Variants in ANKRD30B observed in about 807,000 individuals in gnomAD.
ANKRD30B encodes ankyrin repeat domain 30B.
ANKRD30B carries 144 observed loss-of-function variants against 202.2 expected under a neutral mutation model. That is an observed-to-expected ratio of 0.71 (90% CI 0.62 to 0.82). The LOEUF is 0.82. Among genes scored for constraint, ANKRD30B ranks in the 40% least tolerant of loss-of-function variants. The pLI is 0.00. For missense variants in ANKRD30B, 1,487 were observed against 1,669.1 expected (o/e 0.89, Z 1.90); for synonymous variants, 508 against 561.3 (o/e 0.91, Z 1.34).
Position 14,752,571 on chromosome 18 carries a change from C to T in ANKRD30B, c.227C>T (p.Ala76Val). The T allele has an allele frequency of 6.2e-7, 1 of 1,611,716 alleles. No individual in the cohort carries two copies. The highest frequency in any genetic ancestry group is 8.5e-7 in the Non-Finnish European group (1 of 1,178,760). ...LNKRDMKKRTALHWACVNGHA... is the reference protein window; with the variant it reads ...LNKRDMKKRTVLHWACVNGHA... Reference sequence around the variant, plus strand: ...AAGTCCTCTCACTCTCGTAGGACTGCTCTACACTGGGCCTGTGTCAATGGC... The same window carrying T: ...AAGTCCTCTCACTCTCGTAGGACTGTTCTACACTGGGCCTGTGTCAATGGC... Residue 76 changes from alanine to valine, a missense_variant, in exon 2 of 44, where the codon GCT (alanine) becomes GTT (valine). By Grantham distance (64) the Ala-to-Val change is moderately conservative. Coordinates refer to ENST00000690538, the MANE Select transcript of ANKRD30B (RefSeq NM_001367607.2).
At chr18:14,872,519 G>T in the ANKRD30B span, among the ~76,000 whole-genome samples, 2 of 152,090 alleles carry the variant, frequency 1.3e-5, no homozygotes, top group Non-Finnish European at 2.9e-5. Context: ...ATGCACTGCT[G>T]CCATTGGTTA....
At chr18:14,847,666 G>T (rs1038417298) in intron 39 of ANKRD30B, among the ~76,000 whole-genome samples, 1 of 151,000 alleles carries the variant, frequency 6.6e-6, no homozygotes, top group East Asian at 1.9e-4. Context: ...GAATAGAGTT[G>T]AGTTACTTAT....
the ANKRD30B span, among the ~76,000 whole-genome samples, chr18:14,880,490 A>T: frequency 6.6e-6 from 1 of 150,508 alleles, no homozygotes; most frequent in African/African-American, 2.4e-5. Flanking sequence ...TTTTCACAAT[A>T]TTGGTTCTAC....
chr18:14,766,622 A>G (rs1916271061), intron 7 of ANKRD30B, among the ~76,000 whole-genome samples: 1 of 152,016 alleles, frequency 6.6e-6, no homozygotes, highest in Non-Finnish European at 1.5e-5. Flanking sequence ...TATTTTCTGT[A>G]GGTAATTGGT....
the ANKRD30B span, among the ~76,000 whole-genome samples, chr18:14,880,415 G>C: frequency 6.6e-6 from 1 of 152,116 alleles, no homozygotes; most frequent in African/African-American, 2.4e-5. Flanking sequence ...ATTCTGTGAA[G>C]AATGACGGTG....
In ANKRD30B at chr18:14,809,945, G is replaced by T. The variant is rs1168606226; in HGVS notation, c.2387-41G>T. On this transcript the variant is annotated intron_variant, in intron 26 of 43. Transcript: ENST00000690538. ...TATGAACATTTGGTAGGCTTTGTCAGGCTTGCATATAATCAATTATATATG... is the reference window on the plus strand; with the variant it reads ...TATGAACATTTGGTAGGCTTTGTCATGCTTGCATATAATCAATTATATATG... The T allele has an allele frequency of 5.0e-6, 7 of 1,388,676 alleles. No homozygotes were observed. In the Admixed American group the frequency reaches 8.6e-5, roughly 17 times the overall value. 86.0% of individuals were successfully genotyped at this position (1,388,676 alleles called of 1,614,324 possible).
chr18:14,869,876 C>T, the ANKRD30B span, among the ~76,000 whole-genome samples: 1 of 151,908 alleles, frequency 6.6e-6, no homozygotes, highest in African/African-American at 2.4e-5. Flanking sequence ...ACTCTGTCGC[C>T]CAGGCTGGAG....
At chr18:14,852,827 C>A (rs111328970) in intron 42 of ANKRD30B, 3 of 153,184 alleles carry the variant, frequency 2.0e-5, no homozygotes, top group African/African-American at 7.2e-5. Context: ...ACAGTTAATT[C>A]TAAATTTTCC....
the ANKRD30B span, among the ~76,000 whole-genome samples, chr18:14,923,109 A>AC: frequency 5.9e-5 from 9 of 152,098 alleles, no homozygotes; most frequent in Non-Finnish European, 1.0e-4. Context: ...CAGCAGCAAT[A>AC]CCCAGGTAGT....
the ANKRD30B span, among the ~76,000 whole-genome samples, chr18:14,893,436 C>A: frequency 6.6e-6 from 1 of 152,076 alleles, no homozygotes; most frequent in Non-Finnish European, 1.5e-5. Flanking sequence ...TATGGTGAAA[C>A]CCCATCTCTA....
the ANKRD30B span, among the ~76,000 whole-genome samples, chr18:14,860,382 A>AC: frequency 1.9e-5 from 2 of 106,728 alleles, no homozygotes; most frequent in Non-Finnish European, 1.9e-5. Context: ...CACTTCCCAG[A>AC]GGGGGTGGCC....
chr18:14,823,567 C>T (rs996871409), intron 32 of ANKRD30B, among the ~76,000 whole-genome samples: 37 of 152,052 alleles, frequency 2.4e-4, no homozygotes, highest in African/African-American at 8.7e-4. Context: ...GTTTTAGAAG[C>T]GTGACTCTAA....
chr18:14,753,065 T>C (rs2143642162), intron 3 of ANKRD30B, 53 bp downstream of exon 3: 1 of 1,401,944 alleles, frequency 7.1e-7, no homozygotes, highest in East Asian at 2.5e-5. Context: ...TTTGTTTTAA[T>C]GTTAACATAT....
chr18:14,859,141 A>G (rs1461763335), downstream of ANKRD30B, among the ~76,000 whole-genome samples: 57 of 70,128 alleles, frequency 8.1e-4, no homozygotes, highest in South Asian at 1.9e-3. Flanking sequence ...AGACGGGGAG[A>G]CCAGGAAGAG....
the ANKRD30B span, among the ~76,000 whole-genome samples, chr18:14,859,973 G>T: frequency 7.4e-6 from 1 of 135,104 alleles, no homozygotes; most frequent in Non-Finnish European, 1.6e-5. Context: ...TGGGGCGACC[G>T]GGAAGAGGCG....
chr18:14,789,336 A>T (rs569633440), intron 15 of ANKRD30B, among the ~76,000 whole-genome samples: 1 of 152,254 alleles, frequency 6.6e-6, no homozygotes, highest in African/African-American at 2.4e-5. Flanking sequence ...CCCATTTTGT[A>T]GGTTGCCTGT....
chr18:14,809,692 G>A (rs1969795020), intron 26 of ANKRD30B, among the ~76,000 whole-genome samples: 2 of 150,952 alleles, frequency 1.3e-5, no homozygotes, highest in East Asian at 1.9e-4. Context: ...CACATCACGC[G>A]CTGTTGGCTC....
chr18:14,917,952 T>G, the ANKRD30B span, among the ~76,000 whole-genome samples: 1 of 152,200 alleles, frequency 6.6e-6, no homozygotes, highest in Non-Finnish European at 1.5e-5. Context: ...CTTTGGCTAA[T>G]TTTGCTGGGG....
downstream of ANKRD30B, among the ~76,000 whole-genome samples, chr18:14,855,781 T>C (rs533628596): frequency 8.5e-6 from 1 of 117,270 alleles, no homozygotes; most frequent in African/African-American, 3.3e-5. Flanking sequence ...TCCCAGACAA[T>C]GGGCAGCCAG....
Sources: allele counts gnomAD v4.1 joint callset (sites outside exome capture counted in the v4.1 genomes callset), GRCh38; gene constraint gnomAD v4.1.1; transcripts MANE v1.5; gene names NCBI Gene and HGNC (gene_info 2026-07-23, HGNC 2026-07-21).